NMT2: variants seen among roughly 807,000 people sequenced by gnomAD.
NMT2 encodes the protein N-myristoyltransferase 2, also known as glycylpeptide N-tetradecanoyltransferase 2.
NMT2 carries 35 observed loss-of-function variants against 65.4 expected under a neutral mutation model. The observed-to-expected ratio is 0.54, with a 90% CI of 0.41 to 0.71. The LOEUF is 0.71. Ranked by LOEUF, NMT2 falls within the 30% of genes least tolerant of loss-of-function variation. NMT2 has a pLI of 0.00. For missense variants in NMT2, 489 were observed against 611.3 expected, an observed-to-expected ratio of 0.80 and a Z score of 2.11; for synonymous variants, 226 against 231.8, an observed-to-expected ratio of 0.98 and a Z score of 0.23.
intron 1 of NMT2, among the ~76,000 whole-genome samples, chr10:15,151,059 C>CTTT (rs200879621): frequency 7.1e-6 from 1 of 139,892 alleles, no homozygotes; most frequent in African/African-American, 2.7e-5. Flanking sequence ...TAGCTTCCTC[C>CTTT]TTTTTTTTTT....
At chr10:15,109,603 C>T in intron 11 of NMT2, 99 bp downstream of exon 11, 1 of 934,694 alleles carries the variant, frequency 1.1e-6, no homozygotes, top group Non-Finnish European at 1.5e-6. Flanking sequence ...ATAAAATGAA[C>T]AAAAATAAAA....
At chr10:15,136,827 C>G (rs891148533) in intron 2 of NMT2, among the ~76,000 whole-genome samples, 2 of 142,598 alleles carry the variant, frequency 1.4e-5, no homozygotes, top group South Asian at 4.6e-4. Context: ...TTCCCCAGTT[C>G]TTTTTTTTTT....
At chr10:15,162,837 C>A (rs1459995928) in intron 1 of NMT2, among the ~76,000 whole-genome samples, 1 of 146,558 alleles carries the variant, frequency 6.8e-6, no homozygotes, top group African/African-American at 2.5e-5. Flanking sequence ...ATTTATATAT[C>A]TCTATATATT....
intron 9 of NMT2, among the ~76,000 whole-genome samples, chr10:15,118,114 G>T (rs1845803560): frequency 6.6e-6 from 1 of 152,206 alleles, no homozygotes; most frequent in Admixed American, 6.5e-5. Context: ...TGATACTAAG[G>T]CTTCCTATAT....
intron 8 of NMT2, among the ~76,000 whole-genome samples, chr10:15,126,754 T>C (rs574311122): frequency 6.6e-6 from 1 of 152,340 alleles, no homozygotes; most frequent in Admixed American, 6.5e-5. Flanking sequence ...GGAGAGACCC[T>C]GAACAAAGCA....
chr10:15,111,310 A>G (rs568253144), intron 10 of NMT2, among the ~76,000 whole-genome samples: 1 of 151,670 alleles, frequency 6.6e-6, no homozygotes, highest in East Asian at 2.0e-4. Context: ...CAGGAGTTCG[A>G]GACCAGCCGG....
At chr10:15,131,171 T>G (rs2131542165) in intron 6 of NMT2, among the ~76,000 whole-genome samples, 1 of 152,220 alleles carries the variant, frequency 6.6e-6, no homozygotes, top group Non-Finnish European at 1.5e-5. Flanking sequence ...GGAAACACTA[T>G]TCCCCATATC....
At chr10:15,151,145 G>T (rs1480839645) in intron 1 of NMT2, among the ~76,000 whole-genome samples, 1 of 147,964 alleles carries the variant, frequency 6.8e-6, no homozygotes, top group Non-Finnish European at 1.5e-5. Flanking sequence ...TGCAATCTCC[G>T]CCTCCTGGGT....
rs1845615669 is a variant in NMT2 at position 15,112,979 on chromosome 10, C to G, written c.1171-16G>C. 5 of 1,613,104 alleles carry G rather than the reference C, an allele frequency of 3.1e-6. No homozygotes were observed. Among genetic ancestry groups the G allele is most frequent in the Non-Finnish European group, 4.2e-6 (5 of 1,179,234 alleles). ...CGTTGGGGCTCTAGGAGCAAAAGTG[C>G]TGTCAGACAGAGATCTCCTTGAACC... On this transcript the variant is annotated splice_polypyrimidine_tract_variant and intron_variant, in intron 9 of 11. Transcript: ENST00000378165.
At chr10:15,151,070 T>C (rs992791017) in intron 1 of NMT2, among the ~76,000 whole-genome samples, 1 of 151,876 alleles carries the variant, frequency 6.6e-6, no homozygotes, top group African/African-American at 2.4e-5. Context: ...TTTTTTTTTT[T>C]TTTTGGAGAC....
At chr10:15,154,171 A>T (rs1832908789) in intron 1 of NMT2, among the ~76,000 whole-genome samples, 1 of 152,146 alleles carries the variant, frequency 6.6e-6, no homozygotes, top group South Asian at 2.1e-4. Context: ...CTGTGGGATG[A>T]CTTCCTACCA....
At chr10:15,162,981 G>C (rs1182109508) in intron 1 of NMT2, among the ~76,000 whole-genome samples, 2 of 151,628 alleles carry the variant, frequency 1.3e-5, no homozygotes, top group Admixed American at 1.3e-4. Flanking sequence ...GCCCAGGCTG[G>C]AGTACAGTAG....
At chr10:15,131,054 C>A (rs1846269139) in intron 6 of NMT2, among the ~76,000 whole-genome samples, 1 of 152,020 alleles carries the variant, frequency 6.6e-6, no homozygotes, top group Non-Finnish European at 1.5e-5. Flanking sequence ...TCCCAAAGTG[C>A]TGGGATTATA....
chr10:15,139,320 G>C (rs1455821833), intron 2 of NMT2, among the ~76,000 whole-genome samples: 1 of 150,218 alleles, frequency 6.7e-6, no homozygotes, highest in Admixed American at 6.6e-5. Context: ...CATTAGTTCT[G>C]TCCCTCTAGA....
chr10:15,140,400 A>G (rs748011242), intron 2 of NMT2, among the ~76,000 whole-genome samples: 45 of 152,234 alleles, frequency 3.0e-4, no homozygotes, highest in Non-Finnish European at 5.9e-4. Context: ...CTGGGACTAC[A>G]GGCATGAGCC....
In NMT2 at chr10:15,145,337, C is replaced by T. The variant is rs72776114; in HGVS notation, c.111-3780G>A. On this transcript the variant is annotated intron_variant, in intron 1 of 11. Coordinates refer to ENST00000378165, the MANE Select transcript of NMT2 (RefSeq NM_004808.3). ...ATTGATTGTACTGATGGGTGCACAACTCTGAATAAGCTAAAAGCTGCTGAA... is the reference window on the plus strand; with the variant it reads ...ATTGATTGTACTGATGGGTGCACAATTCTGAATAAGCTAAAAGCTGCTGAA... Among the ~76,000 whole-genome samples, 855 of 152,224 alleles carry T rather than the reference C, an allele frequency of 5.6e-3. 4 individuals carry two copies. Among genetic ancestry groups the T allele is most frequent in the Non-Finnish European group, 7.6e-3 (514 of 68,010 alleles).
At chr10:15,151,737 A>G (rs1450040432) in intron 1 of NMT2, among the ~76,000 whole-genome samples, 1 of 152,130 alleles carries the variant, frequency 6.6e-6, no homozygotes, top group Non-Finnish European at 1.5e-5. Context: ...AAAGAGAAAA[A>G]AAGTTGGCTG....
intron 10 of NMT2, among the ~76,000 whole-genome samples, chr10:15,111,149 ATTAT>A (rs1845498986): frequency 6.6e-6 from 1 of 152,138 alleles, no homozygotes; most frequent in African/African-American, 2.4e-5. Context: ...AGGATTATTA[ATTAT>A]TAGCCTTTCT....
At position 15,106,525 on chromosome 10, in the gene NMT2, C is replaced by G. The variant is rs548247176; in HGVS notation, c.*2670G>C. ...ATTAGGGTGGAACCATCTGAAATTC[C>G]AAGTCTTCCATTATCTCCAAGAGAG... On this transcript the variant is annotated 3_prime_UTR_variant, in exon 12 of 12. Transcript: ENST00000378165. 128 of 426,292 alleles carry G rather than the reference C, an allele frequency of 3.0e-4. No individual in the cohort carries two copies. The highest frequency in any genetic ancestry group is 2.6e-3 in the African/African-American group (122 of 46,648). The allele number at this position is 426,292 out of a possible 1,614,324, so 26.4% of individuals were successfully genotyped here.
Sources: allele counts gnomAD v4.1 joint callset (sites outside exome capture counted in the v4.1 genomes callset), GRCh38; gene constraint gnomAD v4.1.1; transcripts MANE v1.5; gene names NCBI Gene and HGNC (gene_info 2026-07-23, HGNC 2026-07-21).